The following NCKAP5 variants were observed in gnomAD, a reference collection of about 807,000 sequenced individuals.
NCKAP5 encodes NCK associated protein 5.
In NCKAP5, 92 loss-of-function variants were observed where a neutral mutation model predicts 167.0. The observed-to-expected ratio is 0.55, with a 90% CI of 0.47 to 0.66. The LOEUF is 0.66. NCKAP5 is among the 30% of genes least tolerant of loss of function. NCKAP5 has a pLI of 0.00. For synonymous variants in NCKAP5, 891 were observed against 877.4 expected (o/e 1.02, Z -0.27); for missense variants, 2,378 against 2,315.0 (o/e 1.03, Z -0.56).
chr2:132,937,945 TA>T (rs1696981550), intron 8 of NCKAP5, among the ~76,000 whole-genome samples: 1 of 152,242 alleles, frequency 6.6e-6, no homozygotes. Context: ...TTTGCTAATA[TA>T]AAGGGTGGAC....
intron 2 of NCKAP5, among the ~76,000 whole-genome samples, chr2:133,528,396 T>C (rs1685096885): frequency 6.6e-6 from 1 of 151,932 alleles, no homozygotes. Context: ...AAAGGAGTTC[T>C]ATGGATATTT....
At chr2:133,229,745 T>A (rs1178345729) in intron 4 of NCKAP5, among the ~76,000 whole-genome samples, 1 of 152,164 alleles carries the variant, frequency 6.6e-6, no homozygotes, top group East Asian at 1.9e-4. Flanking sequence ...GCTAGCAACA[T>A]GATTCTAGCT....
intron 6 of NCKAP5, among the ~76,000 whole-genome samples, chr2:133,000,794 C>G (rs959911648): frequency 6.6e-6 from 1 of 152,098 alleles, no homozygotes; most frequent in African/African-American, 2.4e-5. Flanking sequence ...GGAATATATA[C>G]CAGCAATCAA....
chr2:133,390,922 G>A (rs1212882745), intron 3 of NCKAP5, among the ~76,000 whole-genome samples: 3 of 152,180 alleles, frequency 2.0e-5, no homozygotes, highest in Admixed American at 2.0e-4. Context: ...ATTCACACAT[G>A]CAGAGTGTAT....
intron 5 of NCKAP5, among the ~76,000 whole-genome samples, chr2:133,172,578 TCTC>T (rs1264854990): frequency 6.6e-6 from 1 of 152,182 alleles, no homozygotes; most frequent in African/African-American, 2.4e-5. Context: ...TTCAAGCGAT[TCTC>T]CTGTCTCAGC....
intron 8 of NCKAP5, among the ~76,000 whole-genome samples, chr2:132,908,745 T>C (rs1694200330): frequency 6.6e-6 from 1 of 152,216 alleles, no homozygotes; most frequent in African/African-American, 2.4e-5. Context: ...TCAGTTATGC[T>C]ACCTTCCCAG....
intron 6 of NCKAP5, among the ~76,000 whole-genome samples, chr2:133,089,842 G>A (rs1036901786): frequency 6.6e-6 from 1 of 152,086 alleles, no homozygotes; most frequent in Admixed American, 6.5e-5. Flanking sequence ...CAAAAGTTCC[G>A]GTAAGCTTTC....
rs1468693075 is a variant in NCKAP5, at chr2:133,303,300, T to C, written c.70-190A>G. 2.6e-5 allele frequency among the ~76,000 whole-genome samples: 4 copies of C among 152,234 alleles called. No homozygotes were observed. In the East Asian group the frequency reaches 7.7e-4, roughly 29 times the overall value. ...ATTTTTTCATGTCCTATGATAGTTT[T>C]GTAAACAAATCACAGAAGTGAACTG... On this transcript the variant is annotated intron_variant, in intron 3 of 19. Coordinates refer to ENST00000409261, the MANE Select transcript of NCKAP5 (RefSeq NM_207363.3).
At chr2:133,368,025 C>T (rs1006579150) in intron 3 of NCKAP5, among the ~76,000 whole-genome samples, 1 of 152,090 alleles carries the variant, frequency 6.6e-6, no homozygotes, top group Non-Finnish European at 1.5e-5. Context: ...CGTGGATGCT[C>T]ACTTGGGAAG....
chr2:133,391,489 CATGG>C (rs1687404797), intron 3 of NCKAP5: 1 of 152,156 alleles, frequency 6.6e-6, no homozygotes, highest in Non-Finnish European at 1.5e-5. Flanking sequence ...TTTAGTGACC[CATGG>C]ACAAATCAGA....
intron 8 of NCKAP5, among the ~76,000 whole-genome samples, chr2:132,905,630 C>G (rs558166576): frequency 1.3e-5 from 2 of 152,306 alleles, no homozygotes; most frequent in African/African-American, 4.8e-5. Context: ...TTATTTCTTA[C>G]AACGAGTGTT....
intron 6 of NCKAP5, among the ~76,000 whole-genome samples, chr2:133,128,157 A>C (rs886278993): frequency 6.6e-6 from 1 of 152,216 alleles, no homozygotes; most frequent in African/African-American, 2.4e-5. Flanking sequence ...CATAATGACA[A>C]AGCTATATTA....
At chr2:132,775,017 A>G (rs898487525) in intron 15 of NCKAP5, among the ~76,000 whole-genome samples, 1 of 152,016 alleles carries the variant, frequency 6.6e-6, no homozygotes, top group Non-Finnish European at 1.5e-5. Context: ...TATCAAGACA[A>G]CTTAGGGTTC....
chr2:133,369,894 T>A (rs985655668), intron 3 of NCKAP5, among the ~76,000 whole-genome samples: 2 of 152,228 alleles, frequency 1.3e-5, no homozygotes, highest in African/African-American at 4.8e-5. Flanking sequence ...TTTTAAGAAA[T>A]GATTTATCTT....
intron 4 of NCKAP5, among the ~76,000 whole-genome samples, chr2:133,242,119 CAAAAA>C (rs1176776551): frequency 2.1e-5 from 1 of 48,280 alleles, no homozygotes; most frequent in African/African-American, 6.9e-5. Flanking sequence ...AACTCTGTCT[CAAAAA>C]AAAAAAAAAA....
intron 4 of NCKAP5, among the ~76,000 whole-genome samples, chr2:133,293,710 A>G (rs1394342907): frequency 3.9e-5 from 6 of 152,164 alleles, no homozygotes; most frequent in African/African-American, 1.4e-4. Flanking sequence ...GCATGTGGCA[A>G]TACCCAATTT....
intron 19 of NCKAP5, among the ~76,000 whole-genome samples, chr2:132,687,938 T>C (rs1419992830): frequency 2.6e-5 from 4 of 152,212 alleles, no homozygotes; most frequent in Non-Finnish European, 5.9e-5. Context: ...TACTACTTTA[T>C]GTGGTCTGAA....
At position 132,796,722 on chromosome 2, in the gene NCKAP5, TGAA is replaced by T. The variant is rs769520039; in HGVS notation, c.812_814del (p.Leu271del). ...AGATGAAAGATCCAAGAGACGTGAG[TGAA>T]GTTTCTAGGTAAAACCAAGCAGAAA... is the stretch of plus-strand genomic sequence containing the variant. On this transcript the variant is annotated inframe_deletion, in exon 12 of 20. Coordinates refer to ENST00000409261, the MANE Select transcript of NCKAP5 (RefSeq NM_207363.3). The T allele has an allele frequency of 4.3e-6, 7 of 1,609,482 alleles. No individual in the cohort carries two copies. The East Asian group carries it at 1.3e-4, about 31-fold the overall frequency.
At chr2:133,673,956 C>T in the NCKAP5 span, among the ~76,000 whole-genome samples, 1 of 152,164 alleles carries the variant, frequency 6.6e-6, no homozygotes, top group African/African-American at 2.4e-5. Context: ...GGAATCAATG[C>T]CCCTGCTCAG....
Sources: allele counts gnomAD v4.1 joint callset (sites outside exome capture counted in the v4.1 genomes callset), GRCh38; gene constraint gnomAD v4.1.1; transcripts MANE v1.5; gene names NCBI Gene and HGNC (gene_info 2026-07-23, HGNC 2026-07-21).